The following ZFYVE28 variants were observed in gnomAD, a reference collection of about 807,000 sequenced individuals.
ZFYVE28 encodes zinc finger FYVE-type containing 28.
In ZFYVE28, 40 loss-of-function variants were observed where a neutral mutation model predicts 82.1. The observed-to-expected ratio is 0.49, with a 90% CI of 0.38 to 0.63. The LOEUF (loss-of-function observed/expected upper bound fraction) is 0.63, where lower values mean the gene tolerates loss of function less well. Ranked by LOEUF, ZFYVE28 falls within the 30% of genes least tolerant of loss-of-function variation. The probability of loss-of-function intolerance (pLI) is 0.00; values close to 1 mark genes in which losing one functional copy is unlikely to be tolerated. For missense variants in ZFYVE28, 1,321 were observed against 1,242.1 expected (o/e 1.06, Z -0.96); for synonymous variants, 612 against 546.1 (o/e 1.12, Z -1.68).
intron 3 of ZFYVE28, among the ~76,000 whole-genome samples, chr4:2,340,801 G>A (rs1029403933): frequency 3.3e-5 from 5 of 152,098 alleles, no homozygotes; most frequent in African/African-American, 1.2e-4. Context: ...AGGTGGGGTG[G>A]GCAGGGTGGA....
At chr4:2,337,609 G>A (rs1722049824) in intron 4 of ZFYVE28, 113 bp from the exon 5 acceptor site, 6 of 791,092 alleles carry the variant, frequency 7.6e-6, no homozygotes, top group Admixed American at 5.2e-5. Context: ...GGTGGGGGCG[G>A]GGGGCCTCAC....
intron 4 of ZFYVE28, among the ~76,000 whole-genome samples, chr4:2,337,801 T>A (rs1205689350): frequency 2.0e-5 from 3 of 151,814 alleles, no homozygotes; most frequent in Admixed American, 6.6e-5. Flanking sequence ...TGCCCAGGAG[T>A]TGGAGGCTGC....
rs373226043 is a variant in ZFYVE28, at chr4:2,304,426, G to A, written c.1914C>T (p.Thr638=). 2.6e-5 allele frequency: 42 copies of A among 1,613,652 alleles called. No homozygotes were observed. The highest frequency in any genetic ancestry group is 3.6e-5 in the Non-Finnish European group (42 of 1,180,014). ...APTSDKCLPH[T]SGSQVDTASG... is the part of the protein sequence containing the mutation. ...TCGCTGTGTCCACCTGGGAACCTGA[G>A]GTGTGAGGCAGGCACTTGTCGGAAG... Residue 638 remains threonine (T), a synonymous_variant, in exon 8 of 13, where the codon ACC becomes ACT. Transcript: ENST00000290974.
At chr4:2,271,281 G>A (rs770198000) in intron 12 of ZFYVE28, 30 bp downstream of exon 12, 2 of 1,604,150 alleles carry the variant, frequency 1.2e-6, no homozygotes, top group South Asian at 1.1e-5. Context: ...TGGATGCTGA[G>A]GGACCCTCCG....
At chr4:2,315,147 G>A (rs4479771) in intron 7 of ZFYVE28, among the ~76,000 whole-genome samples, 30,715 of 151,954 alleles carry the variant, frequency 0.2, 3,360 homozygotes, top group African/African-American at 0.25. Flanking sequence ...TGTTTTATGT[G>A]CAGGTTGCTG....
intron 9 of ZFYVE28, among the ~76,000 whole-genome samples, chr4:2,273,565 A>G (rs544477144): frequency 1.1e-4 from 17 of 152,320 alleles, no homozygotes; most frequent in Non-Finnish European, 1.8e-4. Context: ...TTTTATGCAC[A>G]GGTCACAGCC....
intron 2 of ZFYVE28, 152 bp downstream of exon 2, chr4:2,353,781 G>T (rs1469227758): frequency 1.0e-6 from 1 of 991,938 alleles, no homozygotes; most frequent in Non-Finnish European, 1.3e-6. Context: ...GCCCGGGATG[G>T]TCCCTCTTCC....
In ZFYVE28 at chr4:2,416,754, G is replaced by C. The variant is rs1377624024; in HGVS notation, c.39+1531C>G. Among the ~76,000 whole-genome samples the C allele has an allele frequency of 1.3e-5, 2 of 152,172 alleles. No homozygotes were observed. The highest frequency in any genetic ancestry group is 1.9e-4 in the East Asian group (1 of 5,184). Reference sequence around the variant, plus strand: ...ACGAACCCTTAAGAAGTCGCTGCTAGGGACAGGGAGGTTGGGAGCAGGGAG... The same window carrying C: ...ACGAACCCTTAAGAAGTCGCTGCTACGGACAGGGAGGTTGGGAGCAGGGAG... On this transcript the variant is annotated intron_variant, in intron 1 of 12. Coordinates refer to ENST00000290974, the MANE Select transcript of ZFYVE28 (RefSeq NM_020972.3). This position sits in a 1 kb window ranked among gnomAD's most constrained non-coding sequence, Gnocchi z 4.6.
intron 8 of ZFYVE28, chr4:2,286,494 A>T (rs1220176583): frequency 6.6e-6 from 1 of 152,340 alleles, no homozygotes; most frequent in Non-Finnish European, 1.5e-5. Context: ...GCCGCTCCAG[A>T]CGAGAGCGCA....
At chr4:2,297,991 G>C (rs1714889000) in intron 8 of ZFYVE28, among the ~76,000 whole-genome samples, 1 of 149,518 alleles carries the variant, frequency 6.7e-6, no homozygotes, top group Non-Finnish European at 1.5e-5. Flanking sequence ...ACGGCAGGCT[G>C]TGCTGGGACG....
intron 2 of ZFYVE28, among the ~76,000 whole-genome samples, chr4:2,346,328 C>A (rs977621285): frequency 2.1e-5 from 3 of 139,778 alleles, no homozygotes; most frequent in African/African-American, 8.3e-5. Context: ...GGTGACTGAG[C>A]GAGACTCCAT....
chr4:2,342,999 CAT>C (rs773344042), intron 2 of ZFYVE28: 8 of 152,240 alleles, frequency 5.3e-5, no homozygotes, highest in Non-Finnish European at 1.0e-4. Context: ...GCTGCTGCAA[CAT>C]GTTATTACAT....
In ZFYVE28 at chr4:2,304,920, C is replaced by G. The variant is rs563458821; in HGVS notation, c.1420G>C (p.Ala474Pro). The G allele has an allele frequency of 1.9e-6, 3 of 1,612,558 alleles. No individual in the cohort carries two copies. Among genetic ancestry groups the G allele is most frequent in the Non-Finnish European group, 1.7e-6 (2 of 1,179,876 alleles). Residue 474 changes from alanine (A) to proline (P), a missense_variant, in exon 8 of 13, where the codon GCG becomes CCG. Physicochemically the swap from Ala to Pro is conservative, Grantham distance 27. This residue lies in a region of ZFYVE28 where 978 missense variants were observed against 833.7 expected (regional missense o/e 1.17). Transcript: ENST00000290974. ...EAEGTDGASL[A>P]GTSSCSCLDS... ...AGGCAGCTGCAGGAGCTGGTGCCCG[C>G]GAGGCTGGCCCCATCTGTGCCCTCG...
intron 2 of ZFYVE28, among the ~76,000 whole-genome samples, chr4:2,346,157 T>A (rs1332828465): frequency 7.4e-4 from 91 of 122,994 alleles, no homozygotes; most frequent in Non-Finnish European, 1.3e-3. Context: ...TGAAACCCCG[T>A]CTCTACTAAA....
intron 6 of ZFYVE28, among the ~76,000 whole-genome samples, chr4:2,334,496 G>C (rs558730964): frequency 6.6e-6 from 1 of 151,912 alleles, no homozygotes; most frequent in South Asian, 2.1e-4. Context: ...CACGGGAGGG[G>C]TATCCATGCT....
chr4:2,303,875 G>A (rs553326888), intron 8 of ZFYVE28, among the ~76,000 whole-genome samples: 75 of 152,350 alleles, frequency 4.9e-4, no homozygotes, highest in Non-Finnish European at 8.4e-4. Flanking sequence ...TGGGCAGTGC[G>A]CTCGGATGCG....
At chr4:2,295,988 G>C (rs1372018005) in intron 8 of ZFYVE28, 1 of 152,612 alleles carries the variant, frequency 6.6e-6, no homozygotes, top group Non-Finnish European at 1.5e-5. Context: ...GTGCGGTCCA[G>C]AGGCTAGGGG....
At chr4:2,276,671 T>C (rs1188182267) in intron 8 of ZFYVE28, among the ~76,000 whole-genome samples, 1 of 152,074 alleles carries the variant, frequency 6.6e-6, no homozygotes, top group Non-Finnish European at 1.5e-5. Context: ...CACGGATGAA[T>C]GTTGGCAAGA....
chr4:2,407,845 C>A (rs1288816315), intron 1 of ZFYVE28, among the ~76,000 whole-genome samples: 8 of 152,238 alleles, frequency 5.3e-5, no homozygotes, highest in African/African-American at 1.9e-4. Flanking sequence ...CTCGGCTTCG[C>A]AAAGTGCTGG....
Sources: allele counts gnomAD v4.1 joint callset (sites outside exome capture counted in the v4.1 genomes callset), GRCh38; gene constraint gnomAD v4.1.1; regional missense constraint gnomAD v4.1.1; non-coding constraint Gnocchi (gnomAD v3.1); transcripts MANE v1.5; gene names NCBI Gene and HGNC (gene_info 2026-07-23, HGNC 2026-07-21).